Variants in CALN1 observed in about 807,000 individuals in gnomAD.
CALN1 encodes calcium-binding protein 8.
A neutral mutation model predicts 30.6 loss-of-function variants in CALN1; 17 were observed. The ratio of observed to expected loss-of-function variants is 0.56; its 90% CI spans 0.38 to 0.83. The LOEUF (loss-of-function observed/expected upper bound fraction) is 0.83. Among genes scored for constraint, CALN1 ranks in the 40% least tolerant of loss-of-function variants. The pLI is 0.00. For synonymous variants in CALN1, 156 were observed against 131.4 expected, an observed-to-expected ratio of 1.19 and a Z score of -1.28; for missense variants, 291 against 354.9, an observed-to-expected ratio of 0.82 and a Z score of 1.45.
Position 71,854,486 on chromosome 7 carries a change from A to G in CALN1, c.502-43994T>C, listed in dbSNP as rs187457232. Among the ~76,000 whole-genome samples, 8 of 152,370 alleles carry G rather than the reference A, an allele frequency of 5.3e-5. No homozygotes were observed. In the East Asian group the frequency reaches 7.7e-4, roughly 15 times the overall value. Reference sequence around the variant, plus strand: ...TTATTTTAAGAGGAAAGAAAAGGTCAGAAGCAATTATAGCAAGTTGGTGAT... The same window carrying G: ...TTATTTTAAGAGGAAAGAAAAGGTCGGAAGCAATTATAGCAAGTTGGTGAT... On this transcript the variant is annotated intron_variant, in intron 5 of 6. Coordinates refer to ENST00000395275, the MANE Select transcript of CALN1 (RefSeq NM_031468.4).
chr7:72,236,120 C>T (rs1019611227), intron 3 of CALN1, among the ~76,000 whole-genome samples: 1 of 151,198 alleles, frequency 6.6e-6, no homozygotes, highest in Non-Finnish European at 1.5e-5. Flanking sequence ...AGAAAAAGAA[C>T]CTGATTTCAC....
chr7:72,324,557 G>A (rs200744160), intron 2 of CALN1, among the ~76,000 whole-genome samples: 5 of 68,612 alleles, frequency 7.3e-5, no homozygotes, highest in Non-Finnish European at 1.7e-4. Flanking sequence ...TTTAAATGAT[G>A]TAATTTATTT....
intron 3 of CALN1, among the ~76,000 whole-genome samples, chr7:72,122,406 A>G (rs1808459833): frequency 6.6e-6 from 1 of 151,868 alleles, no homozygotes; most frequent in African/African-American, 2.4e-5. Context: ...GCATGGCACC[A>G]CCTCCCCTGC....
At position 71,818,654 on chromosome 7, in the gene CALN1, G is replaced by A. The variant is rs544995950; in HGVS notation, c.502-8162C>T. Among the ~76,000 whole-genome samples, 2 of 151,450 alleles carry A rather than the reference G, an allele frequency of 1.3e-5. 1 individual carries two copies. Among genetic ancestry groups the A allele is most frequent in the South Asian group, 4.2e-4 (2 of 4,776 alleles). ...CAAAATGCTGAGATTACAGGCACTT[G>A]CCACCATGACCAGCTTATTTTATTT... On this transcript the variant is annotated intron_variant, in intron 5 of 6. Coordinates refer to ENST00000395275, the MANE Select transcript of CALN1 (RefSeq NM_031468.4).
chr7:72,391,746 C>T (rs1463959472), intron 2 of CALN1, among the ~76,000 whole-genome samples: 1 of 152,080 alleles, frequency 6.6e-6, no homozygotes, highest in Non-Finnish European at 1.5e-5. Context: ...TGCCTGCCAC[C>T]ATGTAAGACA....
At chr7:72,194,682 C>G (rs1373981408) in intron 3 of CALN1, among the ~76,000 whole-genome samples, 1 of 151,102 alleles carries the variant, frequency 6.6e-6, no homozygotes, top group Non-Finnish European at 1.5e-5. Flanking sequence ...ACCTCTGCCC[C>G]CTGGGTTCAA....
intron 5 of CALN1, among the ~76,000 whole-genome samples, chr7:71,917,278 T>C (rs1227778490): frequency 6.6e-6 from 1 of 152,038 alleles, no homozygotes; most frequent in Admixed American, 6.6e-5. Flanking sequence ...GTGGTAGAAA[T>C]GGGGAGACAG....
intron 6 of CALN1, among the ~76,000 whole-genome samples, chr7:71,808,540 C>T (rs1692709551): frequency 6.6e-6 from 1 of 151,986 alleles, no homozygotes; most frequent in African/African-American, 2.4e-5. Context: ...CCCAGCAAGG[C>T]TTCTGTTTGG....
intron 3 of CALN1, among the ~76,000 whole-genome samples, chr7:72,193,873 A>G (rs942016665): frequency 6.6e-6 from 1 of 152,074 alleles, no homozygotes; most frequent in Non-Finnish European, 1.5e-5. Flanking sequence ...AAAATGATAC[A>G]TTGTATCTTC....
intron 5 of CALN1, among the ~76,000 whole-genome samples, chr7:71,958,670 A>G (rs578151353): frequency 1.3e-5 from 2 of 152,344 alleles, no homozygotes; most frequent in South Asian, 2.1e-4. Flanking sequence ...GATCTCCAAG[A>G]AAGAACAGGA....
chr7:72,121,605 C>T (rs548828950), intron 3 of CALN1, among the ~76,000 whole-genome samples: 22 of 148,782 alleles, frequency 1.5e-4, no homozygotes, highest in African/African-American at 5.1e-4. Flanking sequence ...CGTGTGTGCA[C>T]ATGTGTTCTG....
At chr7:72,262,263 C>G (rs369809129) in intron 3 of CALN1, among the ~76,000 whole-genome samples, 1 of 152,328 alleles carries the variant, frequency 6.6e-6, no homozygotes, top group African/African-American at 2.4e-5. Context: ...GAGCATCACA[C>G]GGAGGACTTG....
the CALN1 span, among the ~76,000 whole-genome samples, chr7:72,495,016 C>A: frequency 1.4e-4 from 21 of 152,102 alleles, 1 homozygote; most frequent in South Asian, 1.7e-3. Context: ...TTGGAAATCA[C>A]CCCCTATTAC....
At chr7:72,081,242 G>GTCTA (rs1176795879) in intron 4 of CALN1, among the ~76,000 whole-genome samples, 1 of 152,060 alleles carries the variant, frequency 6.6e-6, no homozygotes, top group East Asian at 1.9e-4. Flanking sequence ...AGTAGAAAGG[G>GTCTA]TCTAGGTTAT....
intron 3 of CALN1, among the ~76,000 whole-genome samples, chr7:72,163,785 C>G (rs1788314933): frequency 6.6e-6 from 1 of 152,052 alleles, no homozygotes; most frequent in African/African-American, 2.4e-5. Flanking sequence ...ATTCAGTGAC[C>G]TGTGAGACAA....
chr7:71,840,203 C>T (rs955997684), intron 5 of CALN1, among the ~76,000 whole-genome samples: 1 of 145,872 alleles, frequency 6.9e-6, no homozygotes, highest in South Asian at 2.2e-4. Context: ...TGGCTCACAC[C>T]TGTAATCCCA....
At chr7:72,457,175 A>AT in the CALN1 span, among the ~76,000 whole-genome samples, 1 of 151,692 alleles carries the variant, frequency 6.6e-6, no homozygotes, top group South Asian at 2.1e-4. Flanking sequence ...TGCCCAGCTG[A>AT]TTTTTTGCAT....
chr7:71,974,797 G>A (rs938248533), intron 5 of CALN1, among the ~76,000 whole-genome samples: 2 of 152,160 alleles, frequency 1.3e-5, no homozygotes, highest in South Asian at 2.1e-4. Context: ...GAAGGAAGAC[G>A]GTCACCACCT....
intron 4 of CALN1, among the ~76,000 whole-genome samples, chr7:72,058,175 T>G (rs1224627762): frequency 6.6e-6 from 1 of 152,138 alleles, no homozygotes; most frequent in Non-Finnish European, 1.5e-5. Context: ...CTACCAAGTC[T>G]TATCCAGATG....
Sources: gnomAD v4.1 joint callset for allele counts (sites outside exome capture counted in the v4.1 genomes callset) on GRCh38, gnomAD v4.1.1 for gene constraint, MANE v1.5 for transcripts, NCBI Gene and HGNC (gene_info 2026-07-23, HGNC 2026-07-21) for gene names.